GPR176: variants seen among roughly 807,000 people sequenced by gnomAD.
The protein encoded by GPR176 is G-protein coupled receptor 176.
Under a neutral mutation model 35.4 loss-of-function variants are expected in GPR176, and 26 were observed. That is an observed-to-expected ratio of 0.74 (90% CI 0.54 to 1.02). The LOEUF (loss-of-function observed/expected upper bound fraction) is 1.02, where lower values mean the gene tolerates loss of function less well. GPR176 is among the 50% of genes least tolerant of loss of function. GPR176 has a pLI of 0.00. For synonymous variants in GPR176, 278 were observed against 271.3 expected (o/e 1.02, Z -0.24); for missense variants, 597 against 665.3 (o/e 0.90, Z 1.13).
intron 1 of GPR176, among the ~76,000 whole-genome samples, chr15:39,845,133 C>T (rs2030327803): frequency 6.6e-6 from 1 of 152,068 alleles, no homozygotes; most frequent in Non-Finnish European, 1.5e-5. Context: ...CACTGAGAGG[C>T]TATTCCTACC....
intron 1 of GPR176, among the ~76,000 whole-genome samples, chr15:39,907,058 C>T (rs1441957805): frequency 3.9e-5 from 6 of 152,162 alleles, no homozygotes; most frequent in Non-Finnish European, 7.3e-5. Flanking sequence ...TTGGGGAAGA[C>T]CCGTTAGAGG....
intron 1 of GPR176, among the ~76,000 whole-genome samples, chr15:39,834,123 G>A (rs1901257004): frequency 6.6e-6 from 1 of 152,152 alleles, no homozygotes; most frequent in African/African-American, 2.4e-5. Flanking sequence ...ATTTTGCTAA[G>A]AGCAAGCTTG....
intron 1 of GPR176, among the ~76,000 whole-genome samples, chr15:39,810,298 T>C (rs139295072): frequency 6.6e-6 from 1 of 152,182 alleles, no homozygotes; most frequent in African/African-American, 2.4e-5. Flanking sequence ...CGTTCTGTAA[T>C]ATACTTAATA....
intron 1 of GPR176, among the ~76,000 whole-genome samples, chr15:39,864,828 A>T (rs1442336848): frequency 1.3e-5 from 2 of 152,046 alleles, no homozygotes; most frequent in Non-Finnish European, 2.9e-5. Context: ...CAAGGAACTC[A>T]AACAATCCAA....
intron 1 of GPR176, among the ~76,000 whole-genome samples, chr15:39,891,207 T>C (rs555942969): frequency 5.4e-4 from 82 of 152,240 alleles, no homozygotes; most frequent in African/African-American, 1.9e-3. Context: ...GACTAGAGCC[T>C]GGCACATAAT....
At chr15:39,817,798 T>C (rs904527554) in intron 1 of GPR176, among the ~76,000 whole-genome samples, 5 of 152,226 alleles carry the variant, frequency 3.3e-5, no homozygotes, top group Admixed American at 3.3e-4. Flanking sequence ...AAAGGCACTG[T>C]TAAGCTCTGT....
At chr15:39,902,919 C>T (rs2033318998) in intron 1 of GPR176, among the ~76,000 whole-genome samples, 1 of 152,224 alleles carries the variant, frequency 6.6e-6, no homozygotes, top group Non-Finnish European at 1.5e-5. Flanking sequence ...ACTCCTAATA[C>T]AAGGCACTCT....
intron 1 of GPR176, among the ~76,000 whole-genome samples, chr15:39,876,610 C>G (rs541819980): frequency 5.9e-5 from 9 of 152,046 alleles, no homozygotes; most frequent in Non-Finnish European, 1.3e-4. Flanking sequence ...CTCATGAAAG[C>G]TATTATTTTT....
At chr15:39,850,451 G>A (rs2140807171) in intron 1 of GPR176, among the ~76,000 whole-genome samples, 1 of 152,244 alleles carries the variant, frequency 6.6e-6, no homozygotes, top group Admixed American at 6.5e-5. Context: ...TCAAAATAAT[G>A]CTAGAAGTTC....
chr15:39,877,554 T>C (rs75116610), intron 1 of GPR176, among the ~76,000 whole-genome samples: 51 of 146,524 alleles, frequency 3.5e-4, no homozygotes, highest in East Asian at 8.4e-4. Context: ...CTTCTTCTTT[T>C]TTTTTTTTTT....
intron 1 of GPR176, among the ~76,000 whole-genome samples, chr15:39,893,639 G>C (rs892637481): frequency 1.4e-3 from 218 of 151,990 alleles, no homozygotes; most frequent in Non-Finnish European, 1.9e-3. Flanking sequence ...AGACGGGGTG[G>C]TGGCCGGGCA....
intron 1 of GPR176, among the ~76,000 whole-genome samples, chr15:39,904,750 G>A (rs1161879809): frequency 6.6e-6 from 1 of 152,216 alleles, no homozygotes; most frequent in Non-Finnish European, 1.5e-5. Context: ...GGCAAAGAAT[G>A]CATGTGTCCT....
Position 39,901,824 on chromosome 15 carries a change from A to G in GPR176, c.172+18031T>C, listed in dbSNP as rs138337679. Among the ~76,000 whole-genome samples the G allele has an allele frequency of 2.0e-3, 307 of 152,184 alleles. 4 individuals carry two copies. Among genetic ancestry groups the G allele is most frequent in the Non-Finnish European group, 1.8e-3 (124 of 68,004 alleles). On this transcript the variant is annotated intron_variant, in intron 1 of 2. Coordinates refer to ENST00000561100, the MANE Select transcript of GPR176 (RefSeq NM_007223.3). ...CACGGTGGCTCACACCTGTAATCCC[A>G]GCACTCTGGGAAGCCAAGGAAGGCA...
chr15:39,892,002 C>CATTATTTACTTTTCTTTCCA (rs2032891231), intron 1 of GPR176, among the ~76,000 whole-genome samples: 1 of 152,174 alleles, frequency 6.6e-6, no homozygotes, highest in Non-Finnish European at 1.5e-5. Context: ...CATGTAAAGC[C>CATTATTTACTTTTCTTTCCA]ATTATTTACT....
At chr15:39,881,718 T>G (rs552288060) in intron 1 of GPR176, among the ~76,000 whole-genome samples, 1 of 152,322 alleles carries the variant, frequency 6.6e-6, no homozygotes, top group Admixed American at 6.5e-5. Context: ...CACAAATGAA[T>G]AGATGGTTCA....
intron 1 of GPR176, 77 bp from the exon 2 acceptor site, chr15:39,807,335 A>C: frequency 1.0e-6 from 1 of 980,032 alleles, no homozygotes; most frequent in South Asian, 2.5e-5. Flanking sequence ...GTACAGGTTA[A>C]AAAATGTAAA....
chr15:39,848,166 G>T (rs2030583854), intron 1 of GPR176, among the ~76,000 whole-genome samples: 1 of 152,058 alleles, frequency 6.6e-6, no homozygotes, highest in African/African-American at 2.4e-5. Context: ...TGAGATTTGG[G>T]TAAGGACACA....
chr15:39,849,559 A>G (rs937009351), intron 1 of GPR176, among the ~76,000 whole-genome samples: 3 of 152,202 alleles, frequency 2.0e-5, no homozygotes, highest in African/African-American at 7.2e-5. Flanking sequence ...ACAATACTTT[A>G]AAATAATTAT....
chr15:39,818,609 T>C (rs1484885112), intron 1 of GPR176, among the ~76,000 whole-genome samples: 1 of 152,192 alleles, frequency 6.6e-6, no homozygotes, highest in Non-Finnish European at 1.5e-5. Flanking sequence ...CTACAACAAA[T>C]GCGCATATCT....
Sources: gnomAD v4.1 joint callset for allele counts (sites outside exome capture counted in the v4.1 genomes callset) on GRCh38, gnomAD v4.1.1 for gene constraint, MANE v1.5 for transcripts, NCBI Gene and HGNC (gene_info 2026-07-23, HGNC 2026-07-21) for gene names.